The following PCDH11X variants were observed in gnomAD, a reference collection of about 807,000 sequenced individuals.
PCDH11X encodes protocadherin-11 X-linked.
A neutral mutation model predicts 53.3 loss-of-function variants in PCDH11X; 18 were observed. The ratio of observed to expected loss-of-function variants is 0.34; its 90% CI spans 0.23 to 0.50. The LOEUF is 0.50. PCDH11X is among the 20% of genes least tolerant of loss of function. PCDH11X has a pLI of 0.98. For synonymous variants in PCDH11X, 279 were observed against 393.3 expected, an observed-to-expected ratio of 0.71 and a Z score of 3.44; for missense variants, 570 against 1,032.4, an observed-to-expected ratio of 0.55 and a Z score of 6.14.
intron 7 of PCDH11X, among the ~76,000 whole-genome samples, chrX:92,215,147 AT>A (rs2066669387): frequency 9.0e-6 from 1 of 111,006 alleles, no homozygotes; most frequent in Admixed American, 9.6e-5. Context: ...TGATTTCTGC[AT>A]TTCCATCTGA....
intron 1 of PCDH11X, among the ~76,000 whole-genome samples, 53 bp from the exon 2 acceptor site, chrX:91,809,413 A>G (rs1936226652): frequency 9.0e-6 from 1 of 111,322 alleles, no homozygotes; most frequent in African/African-American, 3.3e-5. Context: ...ATCTTCTACA[A>G]ATCTTGTGTT....
intron 10 of PCDH11X, among the ~76,000 whole-genome samples, chrX:92,561,833 A>G (rs1372500527): frequency 1.9e-5 from 2 of 106,286 alleles, no homozygotes; most frequent in Non-Finnish European, 3.9e-5. Context: ...GATTTAACCC[A>G]AAGAAGACTA....
At chrX:92,578,643 T>C (rs1405689010) in intron 10 of PCDH11X, among the ~76,000 whole-genome samples, 1 of 111,478 alleles carries the variant, frequency 9.0e-6, no homozygotes, top group Non-Finnish European at 1.9e-5. Context: ...ATGTATGTCT[T>C]TGCATGTGAG....
intron 6 of PCDH11X, among the ~76,000 whole-genome samples, chrX:91,903,501 C>T (rs550734291): frequency 9.0e-6 from 1 of 111,112 alleles, no homozygotes; most frequent in Non-Finnish European, 1.9e-5. Flanking sequence ...GATATCATAT[C>T]GCTTGCAGTT....
chrX:91,785,224 C>CT (rs1234988448), intron 1 of PCDH11X, among the ~76,000 whole-genome samples: 3 of 100,514 alleles, frequency 3.0e-5, no homozygotes, highest in Non-Finnish European at 6.0e-5. Flanking sequence ...CCCCCTCCTC[C>CT]TTTTTTTCTT....
Position 92,599,510 on chromosome X carries a change from C to T in PCDH11X, c.3368-18754C>T, listed in dbSNP as rs35131815. Among the ~76,000 whole-genome samples, 13 of 112,194 alleles carry T rather than the reference C, an allele frequency of 1.2e-4. No individual in the cohort carries two copies. The East Asian group carries it at 1.4e-3, about 12-fold the overall frequency. ...CCCCTGCACATGCTCTCTTGCCTGC[C>T]GCCATGTAAGGCATGCCTTTTTTCT... On this transcript the variant is annotated intron_variant, in intron 10 of 10. Coordinates refer to ENST00000682573, the MANE Select transcript of PCDH11X (RefSeq NM_032968.5).
At chrX:92,183,248 CTTTTTTTT>C (rs60978254) in intron 6 of PCDH11X, among the ~76,000 whole-genome samples, 6 of 52,298 alleles carry the variant, frequency 1.1e-4, no homozygotes, top group African/African-American at 3.0e-4. Context: ...CTAGAGAAAC[CTTTTTTTT>C]TTTTTTTTTT....
intron 5 of PCDH11X, among the ~76,000 whole-genome samples, chrX:91,875,664 C>T (rs1177040084): frequency 2.7e-5 from 3 of 109,961 alleles, no homozygotes; most frequent in Admixed American, 1.9e-4. Flanking sequence ...CTATCCGAAG[C>T]TACCTTTTTC....
chrX:91,847,043 A>G (rs1385131027), intron 5 of PCDH11X, among the ~76,000 whole-genome samples: 1 of 111,152 alleles, frequency 9.0e-6, no homozygotes, highest in African/African-American at 3.3e-5. Flanking sequence ...GCTTTCTCAA[A>G]TGATTTTTCA....
intron 6 of PCDH11X, among the ~76,000 whole-genome samples, chrX:92,126,682 T>G (rs1602997149): frequency 9.8e-6 from 1 of 102,536 alleles, no homozygotes; most frequent in Non-Finnish European, 2.0e-5. Context: ...TTTAAATAAA[T>G]TTTTTACCAG....
chrX:91,999,606 A>G, intron 6 of PCDH11X, among the ~76,000 whole-genome samples: 1 of 93,853 alleles, frequency 1.1e-5, no homozygotes, highest in Non-Finnish European at 2.1e-5. Context: ...TTAAAATAAT[A>G]GAGTCAGTAG....
chrX:92,523,642 A>C (rs766358656), intron 10 of PCDH11X, among the ~76,000 whole-genome samples: 297 of 111,641 alleles, frequency 2.7e-3, no homozygotes, highest in African/African-American at 9.1e-3. Context: ...ACTCTGTCCC[A>C]TAAAGTTCAC....
In PCDH11X at chrX:92,148,001, C is replaced by CTTTCTTTCTTTCTTTCTTTCTT. The variant is rs1290730978; in HGVS notation, c.3034-53367_3034-53366insCTTTCTTTCTTTCTTTTTCTTT. ...CCTTCCTTCCTTTCTTTCTTTCTTTCTTTCTTTTTCTTTCCTTCCTTCCTT... is the reference window on the plus strand; with the variant it reads ...CCTTCCTTCCTTTCTTTCTTTCTTTCTTTCTTTCTTTCTTTCTTTCTTTTTCTTTTTCTTTCCTTCCTTCCTT... On this transcript the variant is annotated intron_variant, in intron 6 of 10. Transcript: ENST00000682573. Among the ~76,000 whole-genome samples the CTTTCTTTCTTTCTTTCTTTCTT allele has an allele frequency of 8.5e-5, 6 of 70,326 alleles. No individual in the cohort carries two copies. The South Asian group carries it at 3.7e-3, about 44-fold the overall frequency. The allele number at this position is 70,326 out of a possible 115,157, so 61.1% of individuals were successfully genotyped here.
chrX:92,405,982 C>G (rs2071500569), intron 9 of PCDH11X, among the ~76,000 whole-genome samples: 1 of 106,620 alleles, frequency 9.4e-6, no homozygotes, highest in African/African-American at 3.4e-5. Flanking sequence ...GTAGTCCCAG[C>G]TACGCGGGAG....
intron 6 of PCDH11X, among the ~76,000 whole-genome samples, chrX:92,054,618 C>G (rs1437696235): frequency 9.1e-6 from 1 of 110,057 alleles, no homozygotes; most frequent in Non-Finnish European, 1.9e-5. Context: ...GTCGGGAGTT[C>G]GAGGCCAGCC....
At chrX:92,317,032 G>C (rs1276768769) in intron 8 of PCDH11X, among the ~76,000 whole-genome samples, 1 of 111,290 alleles carries the variant, frequency 9.0e-6, no homozygotes, top group Non-Finnish European at 1.9e-5. Flanking sequence ...TTGCGGTCAA[G>C]GGGGAAAAAA....
intron 5 of PCDH11X, among the ~76,000 whole-genome samples, chrX:91,841,567 T>C (rs1937520904): frequency 1.8e-5 from 2 of 111,251 alleles, no homozygotes; most frequent in African/African-American, 3.3e-5. Flanking sequence ...TTGAACTTAA[T>C]ATTATTCTTG....
chrX:92,110,268 AAG>A (rs2064474946), intron 6 of PCDH11X, among the ~76,000 whole-genome samples: 1 of 110,281 alleles, frequency 9.1e-6, no homozygotes, highest in Admixed American at 9.8e-5. Flanking sequence ...CTTACAAAGA[AAG>A]AGAAAAATAA....
intron 6 of PCDH11X, among the ~76,000 whole-genome samples, chrX:92,044,478 GA>G (rs2063255886): frequency 1.0e-5 from 1 of 100,323 alleles, no homozygotes; most frequent in East Asian, 3.2e-4. Flanking sequence ...ATAAGTAACA[GA>G]AGGTAAAATT....
Sources: gnomAD v4.1 joint callset for allele counts (sites outside exome capture counted in the v4.1 genomes callset) on GRCh38, gnomAD v4.1.1 for gene constraint, MANE v1.5 for transcripts, NCBI Gene and HGNC (gene_info 2026-07-23, HGNC 2026-07-21) for gene names.